Variants in DPF1 observed in about 807,000 individuals in gnomAD.
The protein encoded by DPF1 is double PHD fingers 1.
A neutral mutation model predicts 58.7 loss-of-function variants in DPF1; 14 were observed. That is an observed-to-expected ratio of 0.24 (90% CI 0.16 to 0.37). The LOEUF is 0.37. Among genes scored for constraint, DPF1 ranks in the 10% least tolerant of loss-of-function variants. The pLI, the probability that DPF1 is intolerant of heterozygous loss-of-function variation, is 1.00. For synonymous variants in DPF1, 216 were observed against 216.0 expected, an observed-to-expected ratio of 1.00 and a Z score of 0.00; for missense variants, 345 against 529.9, an observed-to-expected ratio of 0.65 and a Z score of 3.43.
At chr19:38,223,475 T>G (rs1967650310) in intron 1 of DPF1, among the ~76,000 whole-genome samples, 1 of 151,364 alleles carries the variant, frequency 6.6e-6, no homozygotes. Context: ...GTATCTAAAA[T>G]ATCACACATC....
chr19:38,212,043 TCGCG>T lies in DPF1; in HGVS notation c.*16_*19del. Reference sequence around the variant, plus strand: ...CAGGTAGGCGAGCACCACCCCAGAGTCGCGGCGAGCCGAGCCGGCCTAGGTGAGG... The same window carrying T: ...CAGGTAGGCGAGCACCACCCCAGAGTGCGAGCCGAGCCGGCCTAGGTGAGG... On this transcript the variant is annotated 3_prime_UTR_variant, in exon 12 of 12. Transcript: ENST00000355526. 6.2e-7 allele frequency: 1 copy of T among 1,600,562 alleles called. No individual in the cohort carries two copies. The highest frequency in any genetic ancestry group is 2.3e-5 in the East Asian group (1 of 44,240).
Position 38,224,003 on chromosome 19 carries a change from C to T in DPF1, c.29+111G>A. 1 of 1,322,678 alleles carries T rather than the reference C, an allele frequency of 7.6e-7. No homozygotes were observed. Among genetic ancestry groups the T allele is most frequent in the Non-Finnish European group, 9.7e-7 (1 of 1,027,106 alleles). 81.9% of individuals were successfully genotyped at this position (1,322,678 alleles called of 1,614,324 possible). On this transcript the variant is annotated intron_variant, in intron 1 of 11. Coordinates refer to ENST00000355526, the MANE Select transcript of DPF1 (RefSeq NM_001135155.3). The surrounding 1 kb of genome is among the most constrained non-coding windows in gnomAD (Gnocchi z 4.5). ...TCGCACCCCCGCGCAGCCCCGCACT[C>T]GGTGACAGCCCCCCAGACACCCCTT...
At chr19:38,213,834 C>T in intron 9 of DPF1, 78 bp from the exon 10 acceptor site, 1 of 1,250,050 alleles carries the variant, frequency 8.0e-7, no homozygotes, top group Non-Finnish European at 1.1e-6. Flanking sequence ...GGAGCCATAG[C>T]TCAGCCCCTA....
intron 9 of DPF1, among the ~76,000 whole-genome samples, chr19:38,214,344 ACCTGCAGCCACGACCCATGGCGCCCGCCC>A (rs1471990927): frequency 1.3e-5 from 2 of 152,212 alleles, no homozygotes; most frequent in African/African-American, 2.4e-5. Context: ...CGCAGCCGCT[ACCTGCAGCCACGACCCATGGCGCCCGCCC>A]CCTGCAACCA....
intron 9 of DPF1, among the ~76,000 whole-genome samples, chr19:38,215,141 T>G (rs1464888244): frequency 6.7e-6 from 1 of 148,322 alleles, no homozygotes; most frequent in Admixed American, 6.7e-5. Flanking sequence ...CCTGGCCTAT[T>G]TTTTTTTTAA....
In DPF1 at chr19:38,217,586, C is replaced by T. The variant is rs1315721433; in HGVS notation, c.601G>A (p.Gly201Arg). 2 of 1,549,290 alleles carry T rather than the reference C, an allele frequency of 1.3e-6. No homozygotes were observed. Among genetic ancestry groups the T allele is most frequent in the Non-Finnish European group, 8.7e-7 (1 of 1,145,414 alleles). ...CCCGGCCGGTTCTTATACCGTTTCCCACAGACTGGGGAGCGAGCGAGCCAG... is the reference window on the plus strand; with the variant it reads ...CCCGGCCGGTTCTTATACCGTTTCCTACAGACTGGGGAGCGAGCGAGCCAG... Reference protein sequence around the residue: ...RDKPYVCDICGKRYKNRPGLS... With the variant: ...RDKPYVCDICRKRYKNRPGLS... Residue 201 changes from glycine (G) to arginine (R), a missense_variant, in exon 7 of 12, where the codon GGG becomes AGG. Physicochemically the swap from Gly to Arg is moderately radical, Grantham distance 125. Transcript: ENST00000355526.
At chr19:38,228,700 T>G (rs1967930683), upstream of DPF1, 1 of 148,704 alleles carries the variant, frequency 6.7e-6, no homozygotes. Context: ...AAGAGCGAGA[T>G]GGAGAGGGGG....
At position 38,222,805 on chromosome 19, in the gene DPF1, G is replaced by A; in HGVS notation, c.30-97C>T. ...CCGGCTGCCGGGCCGCCCAGGCTCGGGAGGGGTGGGCCGACCCCTCCAGCC... is the reference window on the plus strand; with the variant it reads ...CCGGCTGCCGGGCCGCCCAGGCTCGAGAGGGGTGGGCCGACCCCTCCAGCC... On this transcript the variant is annotated intron_variant, in intron 1 of 11. Coordinates refer to ENST00000355526, the MANE Select transcript of DPF1 (RefSeq NM_001135155.3). The surrounding 1 kb of genome is among the most constrained non-coding windows in gnomAD (Gnocchi z 4.9). 1 of 1,409,366 alleles carries A rather than the reference G, an allele frequency of 7.1e-7. No individual in the cohort carries two copies. The highest frequency in any genetic ancestry group is 9.3e-7 in the Non-Finnish European group (1 of 1,080,622). The allele number at this position is 1,409,366 out of a possible 1,614,324, so 87.3% of individuals were successfully genotyped here.
chr19:38,217,479 G>C lies in DPF1; in HGVS notation c.708C>G (p.His236Gln). The C allele has an allele frequency of 6.5e-7, 1 of 1,550,330 alleles. No homozygotes were observed. Among genetic ancestry groups the C allele is most frequent in the Non-Finnish European group, 8.7e-7 (1 of 1,146,716 alleles). ...ENAERHALPF[H>Q]RKNNHKQFYK... ...GCTCACGTTTATGGTTGTTTTTCCG[G>C]TGGAAGGGCAGGGCGTGGCGTTCGG... Residue 236 changes from histidine (H) to glutamine (Q), a missense_variant, in exon 7 of 12, where the codon CAC (histidine) becomes CAG (glutamine). Transcript: ENST00000355526.
upstream of DPF1, among the ~76,000 whole-genome samples, chr19:38,229,199 C>G (rs932691806): frequency 6.6e-6 from 1 of 152,072 alleles, no homozygotes; most frequent in Non-Finnish European, 1.5e-5. The surrounding 1 kb of genome is among the most constrained non-coding windows in gnomAD (Gnocchi z 5.3). Context: ...GGTGTTCGAG[C>G]TTTCAGCCCC....
In DPF1 at chr19:38,222,842, C is replaced by T. The variant is rs1029676788; in HGVS notation, c.30-134G>A. ...CGACCCCTCCAGCCTCACCTCTCCCCTCCTCCCACTCCGGGACCCAGGCTG... is the reference window on the plus strand; with the variant it reads ...CGACCCCTCCAGCCTCACCTCTCCCTTCCTCCCACTCCGGGACCCAGGCTG... On this transcript the variant is annotated intron_variant, in intron 1 of 11. Coordinates refer to ENST00000355526, the MANE Select transcript of DPF1 (RefSeq NM_001135155.3). The surrounding 1 kb of genome is among the most constrained non-coding windows in gnomAD (Gnocchi z 4.9). The T allele has an allele frequency of 7.9e-6, 10 of 1,258,492 alleles. No homozygotes were observed. Among genetic ancestry groups the T allele is most frequent in the Non-Finnish European group, 3.1e-6 (3 of 959,500 alleles). 78.0% of individuals were successfully genotyped at this position (1,258,492 alleles called of 1,614,324 possible).
chr19:38,213,585 G>A, intron 10 of DPF1, 59 bp downstream of exon 10: 1 of 1,470,360 alleles, frequency 6.8e-7, no homozygotes, highest in Non-Finnish European at 9.5e-7. Flanking sequence ...TTAAGGGGCA[G>A]AGGTGGACGT....
intron 7 of DPF1, 70 bp downstream of exon 7, chr19:38,217,390 C>T: frequency 1.3e-6 from 1 of 774,080 alleles, no homozygotes; most frequent in Non-Finnish European, 1.9e-6. Flanking sequence ...CCCCCACCCC[C>T]ACCCCCAGCT....
At chr19:38,220,179 G>C (rs1274716863) in intron 3 of DPF1, among the ~76,000 whole-genome samples, 1 of 130,062 alleles carries the variant, frequency 7.7e-6, no homozygotes, top group Non-Finnish European at 1.6e-5. Flanking sequence ...AAAAAAAAAA[G>C]AAAGGAAGAA....
intron 9 of DPF1, 81 bp downstream of exon 9, chr19:38,216,059 C>G: frequency 6.5e-7 from 1 of 1,527,124 alleles, no homozygotes; most frequent in East Asian, 2.3e-5. Flanking sequence ...GTCCTCACCG[C>G]CTTGCCTCCC....
chr19:38,213,748 A>AG lies in DPF1; in HGVS notation c.906dup (p.Ser303LeufsTer42), dbSNP rs1187113356. On this transcript the variant is annotated frameshift_variant, in exon 10 of 12. Transcript: ENST00000355526. LOFTEE classifies it high-confidence loss of function. Reference sequence around the variant, plus strand: ...ATGTTCACCGTGAATTGTAAACACGAGGGGTGTCCTGGGGGCCAAGGGGCA... The same window carrying AG: ...ATGTTCACCGTGAATTGTAAACACGAGGGGGTGTCCTGGGGGCCAAGGGGCA... The AG allele has an allele frequency of 6.2e-7, 1 of 1,612,668 alleles. No individual in the cohort carries two copies. The highest frequency in any genetic ancestry group is 8.5e-7 in the Non-Finnish European group (1 of 1,179,376).
At chr19:38,229,218 C>A (rs1967947889), upstream of DPF1, among the ~76,000 whole-genome samples, 1 of 152,104 alleles carries the variant, frequency 6.6e-6, no homozygotes, top group Admixed American at 6.5e-5. The surrounding 1 kb of genome is among the most constrained non-coding windows in gnomAD (Gnocchi z 5.3). Context: ...CCGGCCGGGG[C>A]AGGCCCGGCA....
chr19:38,217,089 G>C (rs1424312958), intron 7 of DPF1, among the ~76,000 whole-genome samples: 2 of 152,086 alleles, frequency 1.3e-5, no homozygotes, highest in East Asian at 1.9e-4. Context: ...GTCAGAACTG[G>C]CATGGGATTG....
upstream of DPF1, among the ~76,000 whole-genome samples, chr19:38,229,129 A>G (rs1253771737): frequency 1.3e-5 from 2 of 151,698 alleles, no homozygotes. The surrounding 1 kb of genome is among the most constrained non-coding windows in gnomAD (Gnocchi z 5.3). Context: ...AAAGAGAGAA[A>G]GGCGCTTTGA....
Sources: allele counts gnomAD v4.1 joint callset (sites outside exome capture counted in the v4.1 genomes callset), GRCh38; gene constraint gnomAD v4.1.1; non-coding constraint Gnocchi (gnomAD v3.1); transcripts MANE v1.5; gene names NCBI Gene and HGNC (gene_info 2026-07-23, HGNC 2026-07-21).